The following IL1RAPL1 variants were observed in gnomAD, a reference collection of about 807,000 sequenced individuals.
IL1RAPL1 encodes interleukin 1 receptor accessory protein like 1.
IL1RAPL1 carries 3 observed loss-of-function variants against 48.4 expected under a neutral mutation model. The ratio of observed to expected loss-of-function variants is 0.06; its 90% confidence interval spans 0.03 to 0.16. The LOEUF (loss-of-function observed/expected upper bound fraction) is 0.16. IL1RAPL1 is among the 10% of genes least tolerant of loss of function. IL1RAPL1 has a pLI of 1.00. For synonymous variants in IL1RAPL1, 185 were observed against 187.7 expected, an observed-to-expected ratio of 0.99 and a Z score of 0.12; for missense variants, 349 against 530.6, an observed-to-expected ratio of 0.66 and a Z score of 3.36.
chrX:29,204,904 T>C (rs762678609), intron 2 of IL1RAPL1, among the ~76,000 whole-genome samples: 3 of 111,828 alleles, frequency 2.7e-5, no homozygotes, highest in Admixed American at 9.6e-5. Context: ...TCTCAAACAG[T>C]CAGAGGATTT....
intron 2 of IL1RAPL1, among the ~76,000 whole-genome samples, chrX:28,928,281 C>G (rs948105683): frequency 8.9e-6 from 1 of 111,864 alleles, no homozygotes; most frequent in South Asian, 3.7e-4. Flanking sequence ...TACCTTATCT[C>G]AACCCTTATT....
At chrX:29,474,579 C>G (rs1602252872) in intron 5 of IL1RAPL1, among the ~76,000 whole-genome samples, 1 of 111,669 alleles carries the variant, frequency 9.0e-6, no homozygotes, top group Non-Finnish European at 1.9e-5. Context: ...GCATCAACAT[C>G]GAAGCTCAAA....
At chrX:28,971,506 G>A (rs781492018) in intron 2 of IL1RAPL1, among the ~76,000 whole-genome samples, 25 of 111,946 alleles carry the variant, frequency 2.2e-4, no homozygotes, top group Non-Finnish European at 3.8e-4. Context: ...GACAAGGACT[G>A]CAGGTGCTCA....
chrX:29,293,499 A>T (rs1932401828), intron 3 of IL1RAPL1, among the ~76,000 whole-genome samples: 1 of 111,675 alleles, frequency 9.0e-6, no homozygotes, highest in Non-Finnish European at 1.9e-5. Context: ...GAGTAGATAG[A>T]GTACTGGAAA....
chrX:29,629,354 T>G (rs191127568), intron 5 of IL1RAPL1, among the ~76,000 whole-genome samples: 407 of 111,190 alleles, frequency 3.7e-3, no homozygotes, highest in Non-Finnish European at 5.8e-3. Context: ...TTATCTTTGG[T>G]AGTTTTTTTT....
intron 5 of IL1RAPL1, among the ~76,000 whole-genome samples, chrX:29,617,938 C>T (rs1479182051): frequency 2.7e-5 from 3 of 111,600 alleles, no homozygotes; most frequent in African/African-American, 9.8e-5. Context: ...GGTTCAGCGG[C>T]ACTGCAAACT....
At chrX:29,434,703 G>A (rs762400668) in intron 5 of IL1RAPL1, among the ~76,000 whole-genome samples, 2 of 110,791 alleles carry the variant, frequency 1.8e-5, no homozygotes, top group Non-Finnish European at 3.8e-5. Context: ...GAGAATCATC[G>A]ATATAGTTTG....
intron 2 of IL1RAPL1, among the ~76,000 whole-genome samples, chrX:29,044,492 TA>T (rs1210895596): frequency 4.5e-5 from 5 of 110,677 alleles, no homozygotes; most frequent in East Asian, 2.8e-4. Flanking sequence ...ATTATAAGGT[TA>T]AAAAAAACAA....
chrX:29,575,967 G>A (rs1158720082), intron 5 of IL1RAPL1, among the ~76,000 whole-genome samples: 1 of 112,319 alleles, frequency 8.9e-6, no homozygotes, highest in Non-Finnish European at 1.9e-5. Context: ...CATGGCAACA[G>A]CGCCTATCAT....
At chrX:28,966,592 T>C (rs927107437) in intron 2 of IL1RAPL1, among the ~76,000 whole-genome samples, 1 of 111,999 alleles carries the variant, frequency 8.9e-6, no homozygotes, top group African/African-American at 3.2e-5. Context: ...TTTAAAGCCT[T>C]TCATGGCCAG....
At chrX:29,783,054 G>A (rs1230487341) in intron 6 of IL1RAPL1, among the ~76,000 whole-genome samples, 1 of 106,295 alleles carries the variant, frequency 9.4e-6, no homozygotes, top group Non-Finnish European at 1.9e-5. Context: ...ACAGGCGCCT[G>A]CCACTACGCC....
At chrX:29,113,032 C>T (rs1602062606) in intron 2 of IL1RAPL1, among the ~76,000 whole-genome samples, 1 of 110,557 alleles carries the variant, frequency 9.0e-6, no homozygotes, top group Non-Finnish European at 1.9e-5. Context: ...AGGCTGGTCT[C>T]GAACTCCTGA....
At chrX:28,822,628 T>C (rs981526230) in intron 2 of IL1RAPL1, among the ~76,000 whole-genome samples, 2 of 111,888 alleles carry the variant, frequency 1.8e-5, no homozygotes, top group Non-Finnish European at 3.8e-5. Context: ...TGGGATATCT[T>C]ATTAATTCAG....
chrX:29,609,644 G>A (rs1387545318), intron 5 of IL1RAPL1, among the ~76,000 whole-genome samples: 1 of 112,282 alleles, frequency 8.9e-6, no homozygotes, highest in Non-Finnish European at 1.9e-5. Context: ...AAGGTTTCAC[G>A]AGTCTTAAAT....
Position 29,249,153 on chromosome X carries a change from G to T in IL1RAPL1, c.83-33785G>T, listed in dbSNP as rs927742242. Reference sequence around the variant, plus strand: ...TGGCTAAGGGATTGTCTCTAGGGAGGGGAACTCGGCTGGGGAGATTGGAGT... The same window carrying T: ...TGGCTAAGGGATTGTCTCTAGGGAGTGGAACTCGGCTGGGGAGATTGGAGT... On this transcript the variant is annotated intron_variant, in intron 2 of 10. Transcript: ENST00000378993. 3.6e-5 allele frequency among the ~76,000 whole-genome samples: 4 copies of T among 111,279 alleles called. No homozygotes were observed. In the Admixed American group the frequency reaches 3.8e-4, roughly 11 times the overall value.
intron 1 of IL1RAPL1, among the ~76,000 whole-genome samples, chrX:28,615,627 C>A (rs1243386097): frequency 4.5e-5 from 5 of 111,104 alleles, no homozygotes; most frequent in Non-Finnish European, 7.5e-5. Context: ...CCCTCAAAGG[C>A]CATGGAAGCT....
intron 1 of IL1RAPL1, among the ~76,000 whole-genome samples, chrX:28,640,836 T>G (rs1337161376): frequency 9.0e-6 from 1 of 110,854 alleles, no homozygotes; most frequent in Non-Finnish European, 1.9e-5. Flanking sequence ...ATTGCAGTAA[T>G]AGAATCTGTG....
intron 2 of IL1RAPL1, among the ~76,000 whole-genome samples, chrX:28,823,581 AT>A (rs1477001985): frequency 9.0e-6 from 1 of 111,617 alleles, no homozygotes; most frequent in African/African-American, 3.3e-5. Flanking sequence ...ATTGTCCTAG[AT>A]TTCTAGAGGT....
chrX:29,558,360 T>C (rs187261547), intron 5 of IL1RAPL1, among the ~76,000 whole-genome samples: 174 of 112,162 alleles, frequency 1.6e-3, no homozygotes, highest in Middle Eastern at 4.6e-3. Flanking sequence ...TTAAATTCTT[T>C]AGCCAATTTT....
Sources: allele counts gnomAD v4.1 joint callset (sites outside exome capture counted in the v4.1 genomes callset), GRCh38; gene constraint gnomAD v4.1.1; transcripts MANE v1.5; gene names NCBI Gene and HGNC (gene_info 2026-07-23, HGNC 2026-07-21).